The following ADAMTS12 variants were observed in gnomAD, a reference collection of about 807,000 sequenced individuals.
The protein encoded by ADAMTS12 is ADAM metallopeptidase with thrombospondin type 1 motif 12.
ADAMTS12 carries 118 observed loss-of-function variants against 167.8 expected under a neutral mutation model. The observed-to-expected ratio is 0.70, with a 90% CI of 0.61 to 0.82. The LOEUF is 0.82. Among genes scored for constraint, ADAMTS12 ranks in the 40% least tolerant of loss-of-function variants. The probability of loss-of-function intolerance (pLI) is 0.00; values close to 1 mark genes in which losing one functional copy is unlikely to be tolerated. For synonymous variants in ADAMTS12, 704 were observed against 716.9 expected (o/e 0.98, Z 0.29); for missense variants, 1,916 against 1,998.8 (o/e 0.96, Z 0.79).
intron 9 of ADAMTS12, among the ~76,000 whole-genome samples, chr5:33,648,224 G>A (rs2112189078): frequency 6.6e-6 from 1 of 152,290 alleles, no homozygotes; most frequent in East Asian, 1.9e-4. Context: ...GTTACATTGT[G>A]TTTTTAAAAA....
intron 10 of ADAMTS12, 56 bp from the exon 11 acceptor site, chr5:33,642,011 G>A: frequency 6.6e-7 from 1 of 1,513,418 alleles, no homozygotes; most frequent in Non-Finnish European, 8.9e-7. Context: ...AGAGCAAGCT[G>A]AGCCAAGAGC....
intron 20 of ADAMTS12, 53 bp downstream of exon 20, chr5:33,560,974 A>C (rs1188014246): frequency 3.8e-6 from 6 of 1,596,156 alleles, no homozygotes; most frequent in Non-Finnish European, 4.3e-6. Flanking sequence ...TTCCCTTTCC[A>C]ACCCATCCCC....
At chr5:33,610,608 C>A (rs1215435254) in intron 16 of ADAMTS12, among the ~76,000 whole-genome samples, 11 of 152,236 alleles carry the variant, frequency 7.2e-5, no homozygotes, top group Non-Finnish European at 1.0e-4. Context: ...AGGCATTTTA[C>A]TTTTAGGTAG....
intron 2 of ADAMTS12, among the ~76,000 whole-genome samples, chr5:33,826,254 T>C (rs997100278): frequency 6.6e-6 from 1 of 152,146 alleles, no homozygotes; most frequent in African/African-American, 2.4e-5. Flanking sequence ...ATAGTGTGCT[T>C]AGCAAAGAAC....
intron 2 of ADAMTS12, among the ~76,000 whole-genome samples, chr5:33,817,896 A>C (rs1272635396): frequency 6.6e-6 from 1 of 152,120 alleles, no homozygotes; most frequent in African/African-American, 2.4e-5. Context: ...TCCATAGTAG[A>C]ATATAGAGAT....
chr5:33,574,801 T>C (rs1358905387), intron 19 of ADAMTS12, among the ~76,000 whole-genome samples: 1 of 152,158 alleles, frequency 6.6e-6, no homozygotes. Context: ...ATTACATACT[T>C]TATAAATTGT....
At chr5:33,541,497 C>G (rs1744694714) in intron 22 of ADAMTS12, among the ~76,000 whole-genome samples, 1 of 152,190 alleles carries the variant, frequency 6.6e-6, no homozygotes, top group Admixed American at 6.5e-5. Context: ...CACAAAGATA[C>G]TCCTCGAGAA....
chr5:33,605,555 T>C (rs1738391616), intron 16 of ADAMTS12, among the ~76,000 whole-genome samples: 1 of 152,120 alleles, frequency 6.6e-6, no homozygotes, highest in South Asian at 2.1e-4. Context: ...AGGACACAGT[T>C]GAAGAGTAAG....
chr5:33,698,692 C>T (rs1742875073), intron 3 of ADAMTS12, among the ~76,000 whole-genome samples: 1 of 152,156 alleles, frequency 6.6e-6, no homozygotes, highest in African/African-American at 2.4e-5. Flanking sequence ...AATTCCAGCA[C>T]TTTGGGAGAC....
At chr5:33,695,714 G>T (rs1742731165) in intron 3 of ADAMTS12, among the ~76,000 whole-genome samples, 1 of 152,124 alleles carries the variant, frequency 6.6e-6, no homozygotes, top group African/African-American at 2.4e-5. Context: ...AAGGGAAATG[G>T]GAAAAACTGT....
chr5:33,776,876 C>A (rs1745931742), intron 2 of ADAMTS12, among the ~76,000 whole-genome samples: 1 of 151,970 alleles, frequency 6.6e-6, no homozygotes, highest in South Asian at 2.1e-4. Flanking sequence ...AACAAAGGGT[C>A]ATAACAGACT....
At chr5:33,639,998 T>G (rs1740379921) in intron 11 of ADAMTS12, among the ~76,000 whole-genome samples, 1 of 152,202 alleles carries the variant, frequency 6.6e-6, no homozygotes, top group Admixed American at 6.5e-5. Context: ...TTTGTGCTGA[T>G]GCAGGGACAC....
intron 23 of ADAMTS12, 135 bp from the exon 24 acceptor site, chr5:33,527,501 C>T: frequency 1.2e-6 from 1 of 821,718 alleles, no homozygotes; most frequent in Non-Finnish European, 1.9e-6. Flanking sequence ...TAGGTGGTAT[C>T]TACTGAATGT....
intron 19 of ADAMTS12, among the ~76,000 whole-genome samples, chr5:33,574,289 C>T (rs1466238022): frequency 1.3e-5 from 2 of 151,964 alleles, no homozygotes; most frequent in Admixed American, 6.6e-5. Flanking sequence ...TATAAAGACA[C>T]ATGCACACGT....
At chr5:33,888,388 T>G (rs1189153753) in intron 1 of ADAMTS12, among the ~76,000 whole-genome samples, 2 of 152,222 alleles carry the variant, frequency 1.3e-5, no homozygotes, top group Non-Finnish European at 2.9e-5. Flanking sequence ...TTGTAAAGTA[T>G]GCCACAGAAG....
At position 33,576,408 on chromosome 5, in the gene ADAMTS12, C is replaced by CTG. The variant is rs745641165; in HGVS notation, c.3617_3618insCA (p.Arg1206SerfsTer12). 3.1e-6 allele frequency: 5 copies of CTG among 1,613,816 alleles called. No homozygotes were observed. Among genetic ancestry groups the CTG allele is most frequent in the Non-Finnish European group, 4.2e-6 (5 of 1,179,804 alleles). On this transcript the variant is annotated frameshift_variant, in exon 19 of 24. Transcript: ENST00000504830. LOFTEE classifies it high-confidence loss of function. Reference sequence around the variant, plus strand: ...TGCTGAAGGGTGGCCACCAGGACTCCCTGCTGAGATCTGGTGTTAGTGGAG... The same window carrying CTG: ...TGCTGAAGGGTGGCCACCAGGACTCCTGCTGCTGAGATCTGGTGTTAGTGGAG...
chr5:33,684,070 GA>G lies in ADAMTS12; in HGVS notation c.635-16del. The G allele has an allele frequency of 6.5e-7, 1 of 1,537,336 alleles. No homozygotes were observed. The highest frequency in any genetic ancestry group is 2.3e-5 in the East Asian group (1 of 43,036). ...GTTAACACTGTCTAAACAGTAAACAGAAGACAATGGTCTAACACTGTATATG... is the reference window on the plus strand; with the variant it reads ...GTTAACACTGTCTAAACAGTAAACAGAGACAATGGTCTAACACTGTATATG... On this transcript the variant is annotated splice_polypyrimidine_tract_variant and intron_variant, in intron 3 of 23. Transcript: ENST00000504830.
intron 17 of ADAMTS12, among the ~76,000 whole-genome samples, chr5:33,595,610 C>A (rs1183701251): frequency 6.6e-6 from 1 of 152,160 alleles, no homozygotes; most frequent in Non-Finnish European, 1.5e-5. Flanking sequence ...ACTGGTAAAG[C>A]CCTTGGAAAA....
chr5:33,593,334 A>G (rs1747741073), intron 17 of ADAMTS12, among the ~76,000 whole-genome samples: 1 of 152,208 alleles, frequency 6.6e-6, no homozygotes, highest in Non-Finnish European at 1.5e-5. Flanking sequence ...CCTAGGCAGC[A>G]GCATGGTGTA....
Sources: allele counts gnomAD v4.1 joint callset (sites outside exome capture counted in the v4.1 genomes callset), GRCh38; gene constraint gnomAD v4.1.1; transcripts MANE v1.5; gene names NCBI Gene and HGNC (gene_info 2026-07-23, HGNC 2026-07-21).